CDH12: variants seen among roughly 807,000 people sequenced by gnomAD.
The protein encoded by CDH12 is cadherin-12.
CDH12 carries 41 observed loss-of-function variants against 74.1 expected under a neutral mutation model. That is an observed-to-expected ratio of 0.55 (90% CI 0.43 to 0.72). CDH12 has a LOEUF of 0.72. Among genes scored for constraint, CDH12 ranks in the 30% least tolerant of loss-of-function variants. CDH12 has a pLI of 0.00. For synonymous variants in CDH12, 399 were observed against 355.0 expected, an observed-to-expected ratio of 1.12 and a Z score of -1.39; for missense variants, 945 against 977.2, an observed-to-expected ratio of 0.97 and a Z score of 0.44.
chr5:22,033,464 T>A (rs1033044631), intron 5 of CDH12, among the ~76,000 whole-genome samples: 2 of 152,206 alleles, frequency 1.3e-5, no homozygotes, highest in African/African-American at 4.8e-5. Flanking sequence ...GACACTGATG[T>A]TTCAGATGAG....
At chr5:22,604,026 G>C (rs1156810868) in intron 1 of CDH12, among the ~76,000 whole-genome samples, 1 of 152,202 alleles carries the variant, frequency 6.6e-6, no homozygotes, top group Non-Finnish European at 1.5e-5. Flanking sequence ...TTCACAGGTG[G>C]AGGGTCTGGT....
chr5:22,432,368 T>C (rs1744208591), intron 2 of CDH12, among the ~76,000 whole-genome samples: 1 of 152,140 alleles, frequency 6.6e-6, no homozygotes, highest in African/African-American at 2.4e-5. Flanking sequence ...TAAAGATGCA[T>C]CTCTCAGAAC....
intron 1 of CDH12, among the ~76,000 whole-genome samples, chr5:22,599,859 A>G (rs1736773062): frequency 6.6e-6 from 1 of 152,182 alleles, no homozygotes; most frequent in Non-Finnish European, 1.5e-5. Flanking sequence ...ATAAATTCAT[A>G]TATTGTACAT....
At chr5:21,875,810 A>G (rs1751905345) in intron 6 of CDH12, among the ~76,000 whole-genome samples, 1 of 151,862 alleles carries the variant, frequency 6.6e-6, no homozygotes, top group Non-Finnish European at 1.5e-5. Flanking sequence ...TCATTCCTTC[A>G]GCTTATCATT....
At chr5:22,141,672 C>T (rs1424762302) in intron 4 of CDH12, among the ~76,000 whole-genome samples, 1 of 151,700 alleles carries the variant, frequency 6.6e-6, no homozygotes, top group Non-Finnish European at 1.5e-5. Context: ...GTGGACTTGG[C>T]CAAGATGGTG....
At chr5:22,344,245 G>A (rs958512157) in intron 3 of CDH12, among the ~76,000 whole-genome samples, 1 of 152,022 alleles carries the variant, frequency 6.6e-6, no homozygotes, top group Non-Finnish European at 1.5e-5. Flanking sequence ...TTATTCTTGT[G>A]AGCCTTAAGG....
At chr5:22,731,998 A>C (rs1329404005) in intron 1 of CDH12, among the ~76,000 whole-genome samples, 1 of 151,898 alleles carries the variant, frequency 6.6e-6, no homozygotes, top group African/African-American at 2.4e-5. Context: ...AGAGAAACTA[A>C]GGGTTGAACT....
Position 21,955,566 on chromosome 5 carries a change from T to C in CDH12, c.526+19525A>G, listed in dbSNP as rs373224162. On this transcript the variant is annotated intron_variant, in intron 6 of 14. Coordinates refer to ENST00000382254, the MANE Select transcript of CDH12 (RefSeq NM_004061.5). ...AGAAGAACCCAGAGAGGTAAGGATA[T>C]AACCTTACCAGTTGCAATTTGCCGA... 2.0e-4 allele frequency among the ~76,000 whole-genome samples: 30 copies of C among 152,180 alleles called. No individual in the cohort carries two copies. In the South Asian group the frequency reaches 5.2e-3, roughly 26 times the overall value.
chr5:22,526,134 A>G (rs1166289857), intron 1 of CDH12, among the ~76,000 whole-genome samples: 1 of 152,118 alleles, frequency 6.6e-6, no homozygotes, highest in Non-Finnish European at 1.5e-5. Flanking sequence ...ATGTTAGTCT[A>G]CTGACATTCG....
At chr5:22,046,513 G>A (rs888563479) in intron 5 of CDH12, among the ~76,000 whole-genome samples, 3 of 145,290 alleles carry the variant, frequency 2.1e-5, no homozygotes, top group African/African-American at 7.9e-5. Context: ...CTCACTGCAA[G>A]CTCTGCCTCC....
intron 11 of CDH12, among the ~76,000 whole-genome samples, chr5:21,777,294 T>A (rs1745644218): frequency 6.6e-6 from 1 of 152,098 alleles, no homozygotes; most frequent in Non-Finnish European, 1.5e-5. Context: ...GTTATGTACA[T>A]AATATCACAC....
In CDH12 at chr5:21,789,364, G is replaced by T. The variant is rs80129114; in HGVS notation, c.1257-5870C>A. Among the ~76,000 whole-genome samples, 1,331 of 152,202 alleles carry T rather than the reference G, an allele frequency of 8.7e-3. 16 individuals carry two copies. The highest frequency in any genetic ancestry group is 0.03 in the African/African-American group (1,234 of 41,542). On this transcript the variant is annotated intron_variant, in intron 10 of 14. Coordinates refer to ENST00000382254, the MANE Select transcript of CDH12 (RefSeq NM_004061.5). Reference sequence around the variant, plus strand: ...GGGCATTTGTATCAAGCCGAGCTGGGACATAGGAGTGGGAGCGGGGAGCAG... The same window carrying T: ...GGGCATTTGTATCAAGCCGAGCTGGTACATAGGAGTGGGAGCGGGGAGCAG...
chr5:22,421,725 A>G (rs1743661075), intron 2 of CDH12, among the ~76,000 whole-genome samples: 1 of 152,088 alleles, frequency 6.6e-6, no homozygotes, highest in South Asian at 2.1e-4. Flanking sequence ...GCTGGGCCAA[A>G]TGGTATTTCT....
chr5:21,824,480 G>A (rs527735442), intron 8 of CDH12, among the ~76,000 whole-genome samples: 8 of 152,202 alleles, frequency 5.3e-5, no homozygotes, highest in Admixed American at 4.6e-4. Context: ...CTCTTTGGCA[G>A]GACTTAACAT....
At chr5:22,008,081 C>T (rs1187186746) in intron 5 of CDH12, among the ~76,000 whole-genome samples, 2 of 151,740 alleles carry the variant, frequency 1.3e-5, no homozygotes, top group African/African-American at 2.4e-5. Flanking sequence ...GCTTTCCTCG[C>T]TGCTGTTATT....
chr5:21,903,032 C>T (rs1753471812), intron 6 of CDH12, among the ~76,000 whole-genome samples: 1 of 151,916 alleles, frequency 6.6e-6, no homozygotes, highest in Non-Finnish European at 1.5e-5. Flanking sequence ...AATAAATGGC[C>T]AAGGCTGCTA....
chr5:22,007,038 T>C (rs963418811), intron 5 of CDH12, among the ~76,000 whole-genome samples: 13 of 152,230 alleles, frequency 8.5e-5, no homozygotes, highest in African/African-American at 2.9e-4. Context: ...TTTACACTTT[T>C]GACAATAAAA....
chr5:22,570,877 C>T (rs543968551), intron 1 of CDH12, among the ~76,000 whole-genome samples: 1 of 152,268 alleles, frequency 6.6e-6, no homozygotes, highest in East Asian at 1.9e-4. Context: ...TTTAGTGTAG[C>T]CACCTTCATC....
intron 1 of CDH12, among the ~76,000 whole-genome samples, chr5:22,741,350 G>A (rs538311384): frequency 6.6e-6 from 1 of 152,078 alleles, no homozygotes; most frequent in South Asian, 2.1e-4. Flanking sequence ...GAGATTTGAG[G>A]TTAAGTTTTA....
Sources: gnomAD v4.1 joint callset for allele counts (sites outside exome capture counted in the v4.1 genomes callset) on GRCh38, gnomAD v4.1.1 for gene constraint, MANE v1.5 for transcripts, NCBI Gene and HGNC (gene_info 2026-07-23, HGNC 2026-07-21) for gene names.